Variants in NPTN observed in about 807,000 individuals in gnomAD.
NPTN encodes SDR-1.
Under a neutral mutation model 42.7 loss-of-function variants are expected in NPTN, and 5 were observed. That is an observed-to-expected ratio of 0.12 (90% CI 0.06 to 0.25). The LOEUF is 0.25. Among genes scored for constraint, NPTN ranks in the 10% least tolerant of loss-of-function variants. NPTN has a pLI of 1.00. For synonymous variants in NPTN, 180 were observed against 201.9 expected, an observed-to-expected ratio of 0.89 and a Z score of 0.92; for missense variants, 307 against 525.4, an observed-to-expected ratio of 0.58 and a Z score of 4.06.
intron 7 of NPTN, among the ~76,000 whole-genome samples, chr15:73,562,719 G>A (rs756071494): frequency 5.9e-5 from 9 of 152,150 alleles, no homozygotes; most frequent in Admixed American, 2.0e-4. Context: ...GCCTCAAATT[G>A]CATTACATGA....
intron 1 of NPTN, among the ~76,000 whole-genome samples, chr15:73,626,484 T>C (rs532917959): frequency 6.6e-6 from 1 of 152,326 alleles, no homozygotes; most frequent in Non-Finnish European, 1.5e-5. Flanking sequence ...ATCTAAGCTA[T>C]AAGGGCAAGA....
chr15:73,575,774 C>A (rs1212302045), intron 4 of NPTN, among the ~76,000 whole-genome samples: 2 of 152,238 alleles, frequency 1.3e-5, no homozygotes, highest in African/African-American at 4.8e-5. Context: ...CAGGCACAAA[C>A]TGGTTTTAGA....
chr15:73,561,880 AG>A lies in NPTN; in HGVS notation c.*14+15del. 6.4e-7 allele frequency: 1 copy of A among 1,567,022 alleles called. No individual in the cohort carries two copies. Among genetic ancestry groups the A allele is most frequent in the Non-Finnish European group, 8.8e-7 (1 of 1,141,980 alleles). On this transcript the variant is annotated intron_variant, in intron 8 of 8. Coordinates refer to ENST00000345330, the MANE Select transcript of NPTN (RefSeq NM_012428.4). ...TGAATATAATTTTTAAGACTGCTAC[AG>A]AAGGCCATACTTACATTGTAAGCAG...
chr15:73,603,726 A>G (rs1897168774), intron 1 of NPTN, among the ~76,000 whole-genome samples: 1 of 152,262 alleles, frequency 6.6e-6, no homozygotes, highest in South Asian at 2.1e-4. Flanking sequence ...AGGCTGCTTA[A>G]CAATATTTGG....
chr15:73,580,420 TA>T lies in NPTN; in HGVS notation c.707-6626del, dbSNP rs1308516250. On this transcript the variant is annotated intron_variant, in intron 4 of 8. Transcript: ENST00000345330. ...ATATATTATATATATAATATATATA[TA>T]ATATATATATAATATATATAATATA... Among the ~76,000 whole-genome samples, 10 of 113,922 alleles carry T rather than the reference TA, an allele frequency of 8.8e-5. No homozygotes were observed. In the East Asian group the frequency reaches 1.6e-3, roughly 18 times the overall value. The allele number at this position is 113,922 out of a possible 152,430, so 74.7% of individuals were successfully genotyped here.
intron 8 of NPTN, among the ~76,000 whole-genome samples, chr15:73,561,363 C>T (rs917157552): frequency 1.3e-5 from 2 of 152,116 alleles, no homozygotes; most frequent in Non-Finnish European, 2.9e-5. Flanking sequence ...TCTGAAATGG[C>T]ATTTATATAA....
intron 1 of NPTN, among the ~76,000 whole-genome samples, chr15:73,598,784 G>C (rs907550040): frequency 1.3e-5 from 2 of 152,162 alleles, no homozygotes; most frequent in African/African-American, 4.8e-5. Context: ...GAAATAAATG[G>C]AACTGTTTTC....
rs1352129804 is a variant in NPTN at position 73,633,318 on chromosome 15, A to G, written c.-103T>C. On this transcript the variant is annotated 5_prime_UTR_variant, in exon 1 of 9. Transcript: ENST00000345330. Reference sequence around the variant, plus strand: ...GGGCGGGCGAGTGCGCGAGGGAGTGAGCGAGGGAGGCAGCCGCGGCTCGGC... The same window carrying G: ...GGGCGGGCGAGTGCGCGAGGGAGTGGGCGAGGGAGGCAGCCGCGGCTCGGC... 1.0e-5 allele frequency: 9 copies of G among 866,014 alleles called. No homozygotes were observed. The highest frequency in any genetic ancestry group is 3.5e-5 in the African/African-American group (2 of 56,812). The allele number at this position is 866,014 out of a possible 1,614,324, so 53.6% of individuals were successfully genotyped here. A position where few individuals can be genotyped will look rare whatever the true frequency, so the allele number is the denominator to read the frequency against.
Position 73,606,701 on chromosome 15 carries a change from G to A in NPTN, c.92-9332C>T, listed in dbSNP as rs145522172. Among the ~76,000 whole-genome samples, 323 of 152,254 alleles carry A rather than the reference G, an allele frequency of 2.1e-3. 1 individual carries two copies. The highest frequency in any genetic ancestry group is 7.5e-3 in the African/African-American group (311 of 41,556). On this transcript the variant is annotated intron_variant, in intron 1 of 8. Coordinates refer to ENST00000345330, the MANE Select transcript of NPTN (RefSeq NM_012428.4). The stretch of plus-strand genomic sequence containing the variant: ...ATTAATTAAAAGAAAAATAATACCA[G>A]TTACAAAACATTTAAAGAGTGTACT...
At chr15:73,590,171 C>T (rs974928824) in intron 3 of NPTN, among the ~76,000 whole-genome samples, 2 of 152,006 alleles carry the variant, frequency 1.3e-5, no homozygotes, top group African/African-American at 2.4e-5. Context: ...AAAGGGAAAA[C>T]GTTCCCTACA....
At chr15:73,627,505 G>A (rs571709806) in intron 1 of NPTN, among the ~76,000 whole-genome samples, 1 of 152,144 alleles carries the variant, frequency 6.6e-6, no homozygotes, top group South Asian at 2.1e-4. Context: ...AGGTATCTGA[G>A]GAATATTAAA....
intron 1 of NPTN, among the ~76,000 whole-genome samples, chr15:73,621,992 A>C (rs1270634068): frequency 1.3e-5 from 2 of 152,094 alleles, no homozygotes; most frequent in African/African-American, 4.8e-5. Flanking sequence ...AAACTCATCA[A>C]ACCATGATTT....
At chr15:73,568,205 A>G in intron 6 of NPTN, 1 of 985,540 alleles carries the variant, frequency 1.0e-6, no homozygotes, top group Non-Finnish European at 1.2e-6. Context: ...GCACTGTGAT[A>G]GCAACCTCAT....
In NPTN at chr15:73,561,017, C is replaced by T. The variant is rs991239734; in HGVS notation, c.*46G>A. 2.0e-4 allele frequency: 31 copies of T among 152,738 alleles called. No individual in the cohort carries two copies. Among genetic ancestry groups the T allele is most frequent in the African/African-American group, 7.5e-4 (31 of 41,546 alleles). 9.5% of individuals were successfully genotyped at this position (152,738 alleles called of 1,614,324 possible). ...GTCCAAGCAGAAAATTTTAGCAGGTCATGTTGCCACCAGTTTCAGGAACCT... is the reference window on the plus strand; with the variant it reads ...GTCCAAGCAGAAAATTTTAGCAGGTTATGTTGCCACCAGTTTCAGGAACCT... On this transcript the variant is annotated 3_prime_UTR_variant, in exon 9 of 9. Transcript: ENST00000345330.
chr15:73,576,868 A>G (rs1895728079), intron 4 of NPTN, among the ~76,000 whole-genome samples: 1 of 152,252 alleles, frequency 6.6e-6, no homozygotes, highest in African/African-American at 2.4e-5. Context: ...AAGTACAGTA[A>G]GAATAAGTTT....
At chr15:73,596,381 C>G (rs1190922514) in intron 2 of NPTN, among the ~76,000 whole-genome samples, 2 of 152,180 alleles carry the variant, frequency 1.3e-5, no homozygotes, top group Non-Finnish European at 2.9e-5. Context: ...ACAACCAAAA[C>G]ACACCACCAC....
chr15:73,577,295 C>T (rs1327342152), intron 4 of NPTN, among the ~76,000 whole-genome samples: 2 of 152,196 alleles, frequency 1.3e-5, no homozygotes, highest in Admixed American at 6.5e-5. Context: ...ACAATGTCCC[C>T]TATCAGCAGG....
chr15:73,574,289 T>G (rs1374344232), intron 4 of NPTN, among the ~76,000 whole-genome samples: 1 of 152,170 alleles, frequency 6.6e-6, no homozygotes, highest in Non-Finnish European at 1.5e-5. Context: ...CAATGAATGC[T>G]TGGAGAAGCT....
intron 1 of NPTN, among the ~76,000 whole-genome samples, chr15:73,601,199 G>A (rs895308092): frequency 6.6e-6 from 1 of 152,138 alleles, no homozygotes; most frequent in East Asian, 1.9e-4. Flanking sequence ...TAGAATGCAG[G>A]TCTTAGCTTA....
Sources: allele counts gnomAD v4.1 joint callset (sites outside exome capture counted in the v4.1 genomes callset), GRCh38; gene constraint gnomAD v4.1.1; transcripts MANE v1.5; gene names NCBI Gene and HGNC (gene_info 2026-07-23, HGNC 2026-07-21).